Variants in MAD2L1BP observed in about 807,000 individuals in gnomAD.
The protein encoded by MAD2L1BP is MAD2L1-binding protein.
Under a neutral mutation model 28.4 loss-of-function variants are expected in MAD2L1BP, and 22 were observed. That is an observed-to-expected ratio of 0.77 (90% confidence interval 0.55 to 1.10). MAD2L1BP has a LOEUF of 1.10. Ranked by LOEUF, MAD2L1BP falls within the 50% of genes least tolerant of loss-of-function variation. The probability of loss-of-function intolerance (pLI) is 0.00; values close to 1 mark genes in which losing one functional copy is unlikely to be tolerated. For synonymous variants in MAD2L1BP, 146 were observed against 133.7 expected, an observed-to-expected ratio of 1.09 and a Z score of -0.63; for missense variants, 325 against 350.5, an observed-to-expected ratio of 0.93 and a Z score of 0.58.
In MAD2L1BP at chr6:43,640,905, A is replaced by G. The variant is rs1261762045; in HGVS notation, c.*372A>G. 1 of 218,540 alleles carries G rather than the reference A, an allele frequency of 4.6e-6. No individual in the cohort carries two copies. Among genetic ancestry groups the G allele is most frequent in the Admixed American group, 5.8e-5 (1 of 17,180 alleles). 13.5% of individuals were successfully genotyped at this position (218,540 alleles called of 1,614,324 possible). A position where few individuals can be genotyped will look rare whatever the true frequency, so the allele number is the denominator to read the frequency against. ...CAGGAACATAATGTGGATGTGACTT[A>G]TGAACTTAAATATAAAATAAATAGA... On this transcript the variant is annotated 3_prime_UTR_variant, in exon 3 of 3. Coordinates refer to ENST00000372171, the MANE Select transcript of MAD2L1BP (RefSeq NM_014628.3).
At chr6:43,636,015 T>A in intron 1 of MAD2L1BP, 94 bp downstream of exon 1, 1 of 1,267,778 alleles carries the variant, frequency 7.9e-7, no homozygotes, top group Non-Finnish European at 1.1e-6. Context: ...GTCCTCTCCC[T>A]AGCCCGTCTT....
At position 43,640,097 on chromosome 6, in the gene MAD2L1BP, A is replaced by G. The variant is rs200724122; in HGVS notation, c.389A>G (p.Glu130Gly). Residue 130 changes from glutamate to glycine, a missense_variant, in exon 3 of 3, where the codon GAA becomes GGA. Transcript: ENST00000372171. ...AGGAAATGCCAACAAGCCCTGGCAGAACTGGAGAGTGTCCTCAGCCACCTG... is the reference window on the plus strand; with the variant it reads ...AGGAAATGCCAACAAGCCCTGGCAGGACTGGAGAGTGTCCTCAGCCACCTG... The part of the protein sequence containing the change: ...SSRKCQQALA[E>G]LESVLSHLED... 54 of 1,602,828 alleles carry G rather than the reference A, an allele frequency of 3.4e-5. No homozygotes were observed. The East Asian group carries it at 1.2e-3, about 35-fold the overall frequency.
At chr6:43,635,803 G>A (rs961599821), upstream of MAD2L1BP, 33 of 1,404,280 alleles carry the variant, frequency 2.3e-5, no homozygotes, top group Non-Finnish European at 2.9e-5. Context: ...GCCGGAAGTG[G>A]AGGCGCGGGC....
rs1419568460 is a variant in MAD2L1BP, at chr6:43,640,710, C to G, written c.*177C>G. The stretch of plus-strand genomic sequence containing the variant: ...ATAGGCTGATGGCATGTGGCTGTGA[C>G]TGTGACTGTAATCATTGCTGAACAA... On this transcript the variant is annotated 3_prime_UTR_variant, in exon 3 of 3. Transcript: ENST00000372171. 1.6e-6 allele frequency: 1 copy of G among 612,838 alleles called. No individual in the cohort carries two copies. The highest frequency in any genetic ancestry group is 1.9e-5 in the African/African-American group (1 of 53,730). The allele number at this position is 612,838 out of a possible 1,614,324, so 38.0% of individuals were successfully genotyped here. A position where few individuals can be genotyped will look rare whatever the true frequency, so the allele number is the denominator to read the frequency against.
chr6:43,634,154 C>G (rs150820722), upstream of MAD2L1BP, among the ~76,000 whole-genome samples: 458 of 152,130 alleles, frequency 3.0e-3, 5 homozygotes, highest in South Asian at 8.3e-3. Context: ...TCACCTCCCA[C>G]CCCAACAAAC....
chr6:43,631,135 A>G (rs1215756010), upstream of MAD2L1BP, among the ~76,000 whole-genome samples: 1 of 152,110 alleles, frequency 6.6e-6, no homozygotes, highest in Non-Finnish European at 1.5e-5. Context: ...AAGCAGTGAG[A>G]GCAGAGAGAC....
At chr6:43,633,992 A>C (rs1485352418), upstream of MAD2L1BP, among the ~76,000 whole-genome samples, 3 of 152,066 alleles carry the variant, frequency 2.0e-5, no homozygotes, top group Admixed American at 6.6e-5. Flanking sequence ...TTCTCATTCT[A>C]CACCCTCCCT....
At chr6:43,629,636 T>G in exon 1 of MAD2L1BP, 1 of 1,131,778 alleles carries the variant, frequency 8.8e-7, no homozygotes, top group Non-Finnish European at 1.3e-6. Flanking sequence ...GCTCCGGGAT[T>G]TGGCCCTTTA....
intron 1 of MAD2L1BP, chr6:43,629,815 A>G (rs751578513): frequency 2.6e-5 from 41 of 1,552,438 alleles, no homozygotes; most frequent in Non-Finnish European, 3.3e-5. Flanking sequence ...GTGATTAGCC[A>G]AATTACGGCT....
rs181104577 is a variant in MAD2L1BP at position 43,629,624 on chromosome 6, G to A, written c.-126G>A. The A allele has an allele frequency of 3.2e-3, 3,176 of 988,752 alleles. 9 individuals carry two copies. Among genetic ancestry groups the A allele is most frequent in the Middle Eastern group, 5.1e-3 (17 of 3,318 alleles). The allele number at this position is 988,752 out of a possible 1,614,324, so 61.2% of individuals were successfully genotyped here. A position where few individuals can be genotyped will look rare whatever the true frequency, so the allele number is the denominator to read the frequency against. ...CTTACATCAGAATCGAGCTTTGTGG[G>A]CGCTCCGGGATTTGGCCCTTTAGCG... On this transcript the variant is annotated 5_prime_UTR_variant, in exon 1 of 4. Transcript: ENST00000451025.
upstream of MAD2L1BP, among the ~76,000 whole-genome samples, chr6:43,632,662 C>CTTTTTTT (rs775956301): frequency 9.3e-5 from 10 of 107,386 alleles, no homozygotes; most frequent in African/African-American, 1.4e-4. Context: ...TGACACTTGT[C>CTTTTTTT]TTTTTTTTTT....
At chr6:43,636,009 T>G in intron 1 of MAD2L1BP, 88 bp downstream of exon 1, 1 of 1,324,932 alleles carries the variant, frequency 7.5e-7, no homozygotes, top group Non-Finnish European at 1.0e-6. Context: ...CCGCTGGTCC[T>G]CTCCCTAGCC....
In MAD2L1BP at chr6:43,640,466, G is replaced by A. The variant is rs778948277; in HGVS notation, c.758G>A (p.Arg253Gln). 4 of 1,613,022 alleles carry A rather than the reference G, an allele frequency of 2.5e-6. No individual in the cohort carries two copies. The highest frequency in any genetic ancestry group is 1.7e-4 in the Middle Eastern group (1 of 6,052). ...CTGTCATGTGGCAGACCTTCCATCC[G>A]AACCACGGCTTGGGAAGACTACATT... ...VTLSCGRPSI[R>Q]TTAWEDYIWF... The change falls in exon 3 of 3, where the codon CGA becomes CAA. Residue 253 changes from arginine to glutamine, a missense_variant. Arg to Gln is a conservative substitution (Grantham distance 43, BLOSUM62 1). Transcript: ENST00000372171.
intron 1 of MAD2L1BP, chr6:43,629,803 T>C: frequency 6.4e-7 from 1 of 1,559,942 alleles, no homozygotes; most frequent in Non-Finnish European, 8.7e-7. Flanking sequence ...CGGAGGCGGA[T>C]GGTGATTAGC....
chr6:43,631,666 G>A (rs1481350555), upstream of MAD2L1BP, among the ~76,000 whole-genome samples: 1 of 151,850 alleles, frequency 6.6e-6, no homozygotes, highest in African/African-American at 2.4e-5. Context: ...TGTTTTTATT[G>A]TTTGTAGAGA....
In MAD2L1BP at chr6:43,640,579, C is replaced by T; in HGVS notation, c.*46C>T. 1.3e-6 allele frequency: 2 copies of T among 1,516,974 alleles called. No individual in the cohort carries two copies. Among genetic ancestry groups the T allele is most frequent in the Non-Finnish European group, 1.8e-6 (2 of 1,132,146 alleles). 94.0% of individuals were successfully genotyped at this position (1,516,974 alleles called of 1,614,324 possible). A position where few individuals can be genotyped will look rare whatever the true frequency, so the allele number is the denominator to read the frequency against. On this transcript the variant is annotated 3_prime_UTR_variant, in exon 3 of 3. Transcript: ENST00000372171. ...AAAACACAATGGCTGAATTATCTTT[C>T]TCCATGTGGCGCTGAATCACCCATC...
chr6:43,630,713 A>G (rs1769858046), intron 1 of MAD2L1BP, among the ~76,000 whole-genome samples: 2 of 151,428 alleles, frequency 1.3e-5, no homozygotes, highest in South Asian at 4.2e-4. Flanking sequence ...ATTGCACTCC[A>G]GCCTGGGCAA....
At chr6:43,635,156 C>T (rs1770127161), upstream of MAD2L1BP, among the ~76,000 whole-genome samples, 1 of 152,194 alleles carries the variant, frequency 6.6e-6, no homozygotes, top group Non-Finnish European at 1.5e-5. Flanking sequence ...AAGGCTTCCC[C>T]ATCTGCCTAC....
chr6:43,640,731 A>T lies in MAD2L1BP; in HGVS notation c.*198A>T. 1 of 562,664 alleles carries T rather than the reference A, an allele frequency of 1.8e-6. No homozygotes were observed. Among genetic ancestry groups the T allele is most frequent in the Non-Finnish European group, 3.1e-6 (1 of 327,772 alleles). 34.9% of individuals were successfully genotyped at this position (562,664 alleles called of 1,614,324 possible). ...GTGACTGTGACTGTAATCATTGCTGAACAACATCTCTTTGAATCAAAGGTT... is the reference window on the plus strand; with the variant it reads ...GTGACTGTGACTGTAATCATTGCTGTACAACATCTCTTTGAATCAAAGGTT... On this transcript the variant is annotated 3_prime_UTR_variant, in exon 3 of 3. Coordinates refer to ENST00000372171, the MANE Select transcript of MAD2L1BP (RefSeq NM_014628.3).
Sources: allele counts gnomAD v4.1 joint callset (sites outside exome capture counted in the v4.1 genomes callset), GRCh38; gene constraint gnomAD v4.1.1; transcripts MANE v1.5; gene names NCBI Gene and HGNC (gene_info 2026-07-23, HGNC 2026-07-21).